PUM1: variants seen among roughly 807,000 people sequenced by gnomAD.
The protein encoded by PUM1 is pumilio RNA binding family member 1, also known as pumilio homolog 1.
In PUM1, 13 loss-of-function variants were observed where a neutral mutation model predicts 131.8. The ratio of observed to expected loss-of-function variants is 0.10; its 90% CI spans 0.06 to 0.16. PUM1 has a LOEUF of 0.16. Ranked by LOEUF, PUM1 falls within the 10% of genes least tolerant of loss-of-function variation. The pLI, the probability that PUM1 is intolerant of heterozygous loss-of-function variation, is 1.00. For synonymous variants in PUM1, 509 were observed against 556.5 expected, an observed-to-expected ratio of 0.91 and a Z score of 1.20; for missense variants, 961 against 1,512.4, an observed-to-expected ratio of 0.64 and a Z score of 6.05.
chr1:30,937,603 T>A (rs1639265139), intron 20 of PUM1, among the ~76,000 whole-genome samples: 1 of 151,692 alleles, frequency 6.6e-6, no homozygotes, highest in South Asian at 2.1e-4. Context: ...AATTTTTTTT[T>A]AAGTAAAAAT....
chr1:31,023,003 T>C lies in PUM1; in HGVS notation c.432+5793A>G, dbSNP rs147297844. Reference sequence around the variant, plus strand: ...GGCCAACATAGTGAAACCCTGTCTCTATTAAAAAAAAATACAACAAATTAG... The same window carrying C: ...GGCCAACATAGTGAAACCCTGTCTCCATTAAAAAAAAATACAACAAATTAG... On this transcript the variant is annotated intron_variant, in intron 3 of 21. Coordinates refer to ENST00000426105, the MANE Select transcript of PUM1 (RefSeq NM_001020658.2). Among the ~76,000 whole-genome samples, 473 of 151,840 alleles carry C rather than the reference T, an allele frequency of 3.1e-3. 2 individuals carry two copies. Among genetic ancestry groups the C allele is most frequent in the African/African-American group, 0.011 (450 of 41,386 alleles).
At chr1:30,945,607 G>C in intron 17 of PUM1, 124 bp from the exon 18 acceptor site, 1 of 1,022,902 alleles carries the variant, frequency 9.8e-7, no homozygotes, top group Non-Finnish European at 1.4e-6. Context: ...AAGTGGAATA[G>C]CAGCTGTGGA....
At chr1:30,994,069 C>T (rs182341104) in intron 6 of PUM1, among the ~76,000 whole-genome samples, 1 of 151,644 alleles carries the variant, frequency 6.6e-6, no homozygotes, top group Non-Finnish European at 1.5e-5. Context: ...GACCCTGTCT[C>T]CAAAAAATAA....
In PUM1 at chr1:30,953,957, C is replaced by T. The variant is rs1394522505; in HGVS notation, c.2348G>A (p.Arg783Lys). The change falls in exon 15 of 22, where the codon AGA becomes AAA. Residue 783 changes from arginine (R) to lysine (K), a missense_variant. Transcript: ENST00000426105. ...AGCGCCTGGAGCAGCAGAGATGTAT[C>T]TTCCACTGCCATTCGTGAGTCCTCC... ...NLGGLTNGSG[R>K]YISAAPGAEA... 9 of 1,614,148 alleles carry T rather than the reference C, an allele frequency of 5.6e-6. No homozygotes were observed. Among genetic ancestry groups the T allele is most frequent in the South Asian group, 1.1e-5 (1 of 91,082 alleles).
intron 9 of PUM1, among the ~76,000 whole-genome samples, chr1:30,975,645 A>G (rs1641106805): frequency 6.8e-6 from 1 of 148,052 alleles, no homozygotes; most frequent in African/African-American, 2.5e-5. Context: ...TTGAGCCACC[A>G]GGCCTGGCCC....
chr1:30,996,292 A>G (rs1283976451), intron 5 of PUM1, among the ~76,000 whole-genome samples: 2 of 152,210 alleles, frequency 1.3e-5, no homozygotes, highest in African/African-American at 2.4e-5. Context: ...GATCCACTCA[A>G]TAGAAGATGA....
chr1:31,005,290 G>T (rs150630682), intron 5 of PUM1, among the ~76,000 whole-genome samples: 1 of 152,284 alleles, frequency 6.6e-6, no homozygotes. Context: ...AAAAAAATTT[G>T]TAAGAAAGAA....
intron 3 of PUM1, among the ~76,000 whole-genome samples, chr1:31,012,552 T>TAAAAAAAAA: frequency 8.4e-6 from 1 of 119,148 alleles, no homozygotes. Context: ...TTATGAAAAG[T>TAAAAAAAAA]AAAAAAAAAA....
intron 14 of PUM1, among the ~76,000 whole-genome samples, chr1:30,961,205 A>T (rs1467587602): frequency 6.6e-6 from 1 of 151,822 alleles, no homozygotes; most frequent in African/African-American, 2.4e-5. Context: ...AAAAATAAAT[A>T]AAATAAAATA....
chr1:30,967,909 T>A (rs551724862), intron 11 of PUM1, among the ~76,000 whole-genome samples: 62 of 152,214 alleles, frequency 4.1e-4, no homozygotes, highest in Non-Finnish European at 7.1e-4. Context: ...ATCTCAGAGG[T>A]AGACAGCTAA....
At chr1:31,006,065 A>G in intron 4 of PUM1, 34 bp from the exon 5 acceptor site, 1 of 1,516,966 alleles carries the variant, frequency 6.6e-7, no homozygotes, top group Non-Finnish European at 8.9e-7. Context: ...GATACAGTGC[A>G]GCCAGAGGCT....
At chr1:30,933,441 C>T (rs1237985147) in intron 21 of PUM1, 99 bp from the exon 22 acceptor site, 15 of 146,926 alleles carry the variant, frequency 1.0e-4, no homozygotes, top group African/African-American at 5.7e-4. Flanking sequence ...CACACACATA[C>T]ACACACACAC....
chr1:31,040,500 A>C (rs567592938), intron 2 of PUM1, among the ~76,000 whole-genome samples: 8 of 152,242 alleles, frequency 5.3e-5, no homozygotes, highest in Non-Finnish European at 1.0e-4. Context: ...AAATAGCACT[A>C]GTATGCTGAG....
chr1:31,011,969 C>G (rs1013221086), intron 3 of PUM1, among the ~76,000 whole-genome samples: 1 of 152,116 alleles, frequency 6.6e-6, no homozygotes, highest in African/African-American at 2.4e-5. Context: ...CAGTATTATC[C>G]AGGTGACACA....
At chr1:31,062,907 T>C (rs1644400955) in intron 1 of PUM1, among the ~76,000 whole-genome samples, 1 of 152,200 alleles carries the variant, frequency 6.6e-6, no homozygotes, top group African/African-American at 2.4e-5. Context: ...TTGTAATTTG[T>C]TTAAAGCCTA....
chr1:31,054,303 G>C (rs577389458), intron 2 of PUM1, among the ~76,000 whole-genome samples: 1 of 151,936 alleles, frequency 6.6e-6, no homozygotes, highest in East Asian at 1.9e-4. Flanking sequence ...TCCAGCCTCG[G>C]CAACAGGAGT....
At chr1:31,035,998 C>A (rs748771217) in intron 2 of PUM1, among the ~76,000 whole-genome samples, 1 of 151,990 alleles carries the variant, frequency 6.6e-6, no homozygotes, top group Non-Finnish European at 1.5e-5. Flanking sequence ...ATTTTATATA[C>A]GAGGAAACCA....
Position 30,931,568 on chromosome 1 carries a change from C to T in PUM1, c.*1643G>A, listed in dbSNP as rs923759716. On this transcript the variant is annotated 3_prime_UTR_variant, in exon 22 of 22. Coordinates refer to ENST00000426105, the MANE Select transcript of PUM1 (RefSeq NM_001020658.2). ...ACACATTGTTTAGAGACAATCTACACAAGAGTTACAAAAAATAGTTGCCCA... is the reference window on the plus strand; with the variant it reads ...ACACATTGTTTAGAGACAATCTACATAAGAGTTACAAAAAATAGTTGCCCA... 1.3e-5 allele frequency: 2 copies of T among 152,552 alleles called. No individual in the cohort carries two copies. Among genetic ancestry groups the T allele is most frequent in the Non-Finnish European group, 1.5e-5 (1 of 68,024 alleles). 9.4% of individuals were successfully genotyped at this position (152,552 alleles called of 1,614,324 possible). A position where few individuals can be genotyped will look rare whatever the true frequency, so the allele number is the denominator to read the frequency against.
intron 14 of PUM1, among the ~76,000 whole-genome samples, chr1:30,954,878 CAGAG>C (rs945433245): frequency 2.6e-5 from 4 of 151,828 alleles, no homozygotes; most frequent in Non-Finnish European, 4.4e-5. Context: ...GCCTGGACAA[CAGAG>C]AGAGACCCCA....
Sources: gnomAD v4.1 joint callset for allele counts (sites outside exome capture counted in the v4.1 genomes callset) on GRCh38, gnomAD v4.1.1 for gene constraint, MANE v1.5 for transcripts, NCBI Gene and HGNC (gene_info 2026-07-23, HGNC 2026-07-21) for gene names.